FIG4: variants seen among roughly 807,000 people sequenced by gnomAD.
FIG4 encodes polyphosphoinositide phosphatase.
Under a neutral mutation model 118.6 loss-of-function variants are expected in FIG4, and 112 were observed. The observed-to-expected ratio is 0.94, with a 90% CI of 0.81 to 1.11. The LOEUF is 1.11. Ranked by LOEUF, FIG4 falls within the 50% of genes least tolerant of loss-of-function variation. The pLI, the probability that FIG4 is intolerant of heterozygous loss-of-function variation, is 0.00. For missense variants in FIG4, 969 were observed against 1,111.7 expected (o/e 0.87, Z 1.83); for synonymous variants, 369 against 381.2 (o/e 0.97, Z 0.37).
intron 4 of FIG4, 33 bp from the exon 5 acceptor site, chr6:109,732,604 C>G (rs1312599097): frequency 1.1e-5 from 12 of 1,068,538 alleles, no homozygotes; most frequent in Non-Finnish European, 1.7e-5. Context: ...TAGTATTGGA[C>G]AAATGAAATG....
rs776928002 is a variant in FIG4 at position 109,765,060 on chromosome 6, C to T, written c.1482C>T (p.Asn494=). 29 of 1,613,622 alleles carry T rather than the reference C, an allele frequency of 1.8e-5. No individual in the cohort carries two copies. The highest frequency in any genetic ancestry group is 2.1e-5 in the Non-Finnish European group (25 of 1,179,660). Residue 494 remains asparagine (N), a synonymous_variant, in exon 14 of 23, where the codon AAC becomes AAT. Transcript: ENST00000230124. ...GTGTGGACTGTTTAGATCGCACCAA[C>T]ACAGCACAGTTTATGGTGGGAAAAT... is the stretch of plus-strand genomic sequence containing the variant. The part of the protein sequence containing the change: ...TNCVDCLDRT[N]TAQFMVGKCA...
At chr6:109,778,703 A>C (rs1007710791) in intron 16 of FIG4, among the ~76,000 whole-genome samples, 2 of 151,736 alleles carry the variant, frequency 1.3e-5, no homozygotes, top group African/African-American at 4.8e-5. Context: ...GGTTCACGCC[A>C]TTCTCCTGCC....
intron 2 of FIG4, 109 bp from the exon 3 acceptor site, chr6:109,716,336 T>C (rs1583642819): frequency 6.3e-6 from 7 of 1,102,714 alleles, no homozygotes; most frequent in East Asian, 2.5e-5. Context: ...TATACTTCTG[T>C]ATGAAATAGC....
chr6:109,714,682 G>A (rs1024230206), intron 1 of FIG4, among the ~76,000 whole-genome samples: 1 of 152,180 alleles, frequency 6.6e-6, no homozygotes, highest in Non-Finnish European at 1.5e-5. Flanking sequence ...TAAGCTGTCA[G>A]TACTTTAGTA....
At position 109,741,461 on chromosome 6, in the gene FIG4, C is replaced by T. The variant is rs774294963; in HGVS notation, c.793C>T (p.Arg265Ter). Residue 265 changes from arginine (R) to a stop codon, truncating the protein, a stop_gained, in exon 8 of 23, where the codon CGA becomes TGA. Coordinates refer to ENST00000230124, the MANE Select transcript of FIG4 (RefSeq NM_014845.6). LOFTEE classifies it high-confidence loss of function. The stretch of plus-strand genomic sequence containing the variant: ...TTTCCAAGAGCTGTTGATCTATGGA[C>T]GACCAGTGTATGTCACTCTAATAGC... ...CGQSKLLIYG[R>*]PVYVTLIARR... 9.3e-6 allele frequency: 15 copies of T among 1,611,928 alleles called. No individual in the cohort carries two copies. The highest frequency in any genetic ancestry group is 1.6e-4 in the Middle Eastern group (1 of 6,074).
chr6:109,789,457 A>G (rs1239108354), intron 18 of FIG4, 137 bp from the exon 19 acceptor site: 6 of 702,958 alleles, frequency 8.5e-6, no homozygotes, highest in Non-Finnish European at 1.6e-5. Context: ...TATGTCCCTG[A>G]CAAGTTGGCT....
intron 4 of FIG4, among the ~76,000 whole-genome samples, chr6:109,732,255 G>C (rs1468536097): frequency 1.3e-5 from 2 of 152,114 alleles, no homozygotes; most frequent in Non-Finnish European, 2.9e-5. Context: ...TTAAAATTGT[G>C]GTGACCCACA....
At chr6:109,822,811 A>G (rs1215785587) in intron 22 of FIG4, among the ~76,000 whole-genome samples, 3 of 136,904 alleles carry the variant, frequency 2.2e-5, no homozygotes, top group African/African-American at 9.1e-5. Context: ...ATATATATAT[A>G]TATATATATA....
At chr6:109,801,947 A>G (rs1778438824) in intron 22 of FIG4, among the ~76,000 whole-genome samples, 1 of 152,196 alleles carries the variant, frequency 6.6e-6, no homozygotes, top group Non-Finnish European at 1.5e-5. Context: ...AATTCTTGTT[A>G]TCTTTTCCAA....
chr6:109,818,386 G>A (rs576211730), intron 22 of FIG4, among the ~76,000 whole-genome samples: 2 of 152,114 alleles, frequency 1.3e-5, no homozygotes, highest in East Asian at 3.9e-4. Context: ...TTTTAGTAGA[G>A]ATGGGGTTTC....
intron 15 of FIG4, 47 bp downstream of exon 15, chr6:109,766,942 T>C: frequency 6.7e-7 from 1 of 1,495,102 alleles, no homozygotes; most frequent in African/African-American, 1.4e-5. Context: ...CTGAAGTGCA[T>C]TTTTTGTATG....
At chr6:109,787,102 T>C (rs370812937) in intron 18 of FIG4, among the ~76,000 whole-genome samples, 19 of 152,206 alleles carry the variant, frequency 1.2e-4, no homozygotes, top group Non-Finnish European at 1.9e-4. Flanking sequence ...CCATAACTTA[T>C]GTGGCATGGT....
intron 19 of FIG4, 97 bp downstream of exon 19, chr6:109,789,774 T>C: frequency 1.2e-6 from 1 of 825,316 alleles, no homozygotes; most frequent in Non-Finnish European, 2.1e-6. Context: ...TCAGGTCATA[T>C]ATAGTTTATT....
At chr6:109,812,828 C>T (rs1052855136) in intron 22 of FIG4, among the ~76,000 whole-genome samples, 3 of 152,086 alleles carry the variant, frequency 2.0e-5, no homozygotes, top group Admixed American at 6.5e-5. Context: ...GAGGAATGAT[C>T]GTTCCTCAGA....
intron 18 of FIG4, among the ~76,000 whole-genome samples, chr6:109,788,636 T>TCA (rs1177306144): frequency 6.6e-6 from 1 of 152,200 alleles, no homozygotes; most frequent in Non-Finnish European, 1.5e-5. Context: ...GCAAGCAGTC[T>TCA]CACAAACATG....
chr6:109,762,719 GAACT>G (rs955477979), intron 12 of FIG4, among the ~76,000 whole-genome samples: 1 of 151,560 alleles, frequency 6.6e-6, no homozygotes, highest in African/African-American at 2.4e-5. Context: ...CAATAAAAAA[GAACT>G]AACTACTAGT....
At chr6:109,774,515 T>C (rs1321536108) in intron 15 of FIG4, among the ~76,000 whole-genome samples, 1 of 152,066 alleles carries the variant, frequency 6.6e-6, no homozygotes, top group African/African-American at 2.4e-5. Flanking sequence ...GGGCTTAAAA[T>C]ATCTATCTAT....
intron 22 of FIG4, among the ~76,000 whole-genome samples, chr6:109,817,105 G>A (rs1012672264): frequency 6.6e-6 from 1 of 152,224 alleles, no homozygotes; most frequent in Non-Finnish European, 1.5e-5. Context: ...GACTCTGGTA[G>A]GAGCACTTAT....
At chr6:109,752,474 A>G (rs1273686106) in intron 10 of FIG4, among the ~76,000 whole-genome samples, 7 of 151,682 alleles carry the variant, frequency 4.6e-5, no homozygotes, top group African/African-American at 1.5e-4. Context: ...AAGTGTTCCT[A>G]TTTCTCCACA....
Sources: gnomAD v4.1 joint callset for allele counts (sites outside exome capture counted in the v4.1 genomes callset) on GRCh38, gnomAD v4.1.1 for gene constraint, MANE v1.5 for transcripts, NCBI Gene and HGNC (gene_info 2026-07-23, HGNC 2026-07-21) for gene names.